Variants in ANAPC7 observed in about 807,000 individuals in gnomAD.
ANAPC7 encodes anaphase-promoting complex subunit 7.
A neutral mutation model predicts 63.3 loss-of-function variants in ANAPC7; 25 were observed. The observed-to-expected ratio is 0.39, with a 90% confidence interval of 0.29 to 0.55. The LOEUF (loss-of-function observed/expected upper bound fraction) is 0.55, where lower values mean the gene tolerates loss of function less well. Among genes scored for constraint, ANAPC7 ranks in the 20% least tolerant of loss-of-function variants. The pLI, the probability that ANAPC7 is intolerant of heterozygous loss-of-function variation, is 0.57. For synonymous variants in ANAPC7, 241 were observed against 251.7 expected (o/e 0.96, Z 0.40); for missense variants, 516 against 691.7 (o/e 0.75, Z 2.85).
chr12:110,389,366 T>C (rs1882904630), intron 3 of ANAPC7, among the ~76,000 whole-genome samples: 1 of 152,174 alleles, frequency 6.6e-6, no homozygotes, highest in African/African-American at 2.4e-5. Context: ...GCTCAGTTTT[T>C]CCTAATAAGG....
Position 110,396,400 on chromosome 12 carries a change from A to T in ANAPC7, c.154T>A (p.Ser52Thr). ...KYQLLVYHADSLFHDKEYRNA... is the reference protein window; with the variant it reads ...KYQLLVYHADTLFHDKEYRNA... ...CGATATTCCTTATCATGAAAGAGAG[A>T]ATCTGCATGATACACCAAAAGCTGG... Residue 52 changes from serine (S) to threonine (T), a missense_variant, in exon 2 of 11, where the codon TCT (serine) becomes ACT (threonine). Coordinates refer to ENST00000455511, the MANE Select transcript of ANAPC7 (RefSeq NM_016238.3). 6.2e-7 allele frequency: 1 copy of T among 1,613,908 alleles called. No homozygotes were observed. Among genetic ancestry groups the T allele is most frequent in the Non-Finnish European group, 8.5e-7 (1 of 1,179,922 alleles).
chr12:110,386,279 AT>A lies in ANAPC7; in HGVS notation c.817+47del, dbSNP rs1256857172. 4.4e-6 allele frequency: 7 copies of A among 1,609,042 alleles called. No individual in the cohort carries two copies. In the East Asian group the frequency reaches 1.6e-4, roughly 36 times the overall value. ...CTGCATATTCTCCCTATTATCTCTG[AT>A]CCCCCCCAACAACAGCCACTGTCTT... On this transcript the variant is annotated intron_variant, in intron 6 of 10. Coordinates refer to ENST00000455511, the MANE Select transcript of ANAPC7 (RefSeq NM_016238.3).
intron 1 of ANAPC7, among the ~76,000 whole-genome samples, chr12:110,400,785 C>T (rs2062216955): frequency 6.6e-6 from 1 of 151,762 alleles, no homozygotes. Flanking sequence ...GTGGCTCACG[C>T]CTGCAATCCA....
intron 1 of ANAPC7, among the ~76,000 whole-genome samples, chr12:110,402,971 G>C (rs935922096): frequency 6.7e-6 from 1 of 149,364 alleles, no homozygotes; most frequent in Non-Finnish European, 1.5e-5. Context: ...TGAACTCCTG[G>C]GCTCAAGCGA....
chr12:110,402,122 C>CACTCAACTCACTCAACTCACTCAACT (rs546353794), intron 1 of ANAPC7, among the ~76,000 whole-genome samples: 8 of 152,038 alleles, frequency 5.3e-5, no homozygotes, highest in Non-Finnish European at 4.4e-5. Flanking sequence ...CTGCAGTGAG[C>CACTCAACTCACTCAACTCACTCAACT]CAAGACTGCG....
rs1880982272 is a variant in ANAPC7 at position 110,373,295 on chromosome 12, T to C, written c.*849A>G. On this transcript the variant is annotated 3_prime_UTR_variant, in exon 11 of 11. Transcript: ENST00000455511. ...GCTCCAGGGAAATTAACCTACCCAA[T>C]ATGCAAACAGATGAACCAGCTCAGG... is the stretch of plus-strand genomic sequence containing the variant. 6.6e-6 allele frequency: 1 copy of C among 152,064 alleles called. No individual in the cohort carries two copies. Among genetic ancestry groups the C allele is most frequent in the Non-Finnish European group, 1.5e-5 (1 of 68,018 alleles). 9.4% of individuals were successfully genotyped at this position (152,064 alleles called of 1,614,324 possible). A position where few individuals can be genotyped will look rare whatever the true frequency, so the allele number is the denominator to read the frequency against.
chr12:110,398,605 A>G (rs1227418690), intron 1 of ANAPC7, among the ~76,000 whole-genome samples: 1 of 152,132 alleles, frequency 6.6e-6, no homozygotes, highest in African/African-American at 2.4e-5. Context: ...TCAACCTCCA[A>G]TTCCACTCCT....
At chr12:110,395,597 CT>C (rs76468288) in intron 2 of ANAPC7, among the ~76,000 whole-genome samples, 255 of 143,914 alleles carry the variant, frequency 1.8e-3, no homozygotes, top group Non-Finnish European at 1.6e-3. Flanking sequence ...GCCTCATCTT[CT>C]TTTTTTTTTT....
At chr12:110,376,252 T>C in intron 9 of ANAPC7, 36 bp from the exon 10 acceptor site, 1 of 1,608,544 alleles carries the variant, frequency 6.2e-7, no homozygotes, top group Non-Finnish European at 8.5e-7. Context: ...TTAAGTCATG[T>C]ACAAAAAAAC....
rs1305575839 is a variant in ANAPC7, at chr12:110,382,451, AAAAAAAAAAAATATATATAT to A, written c.935+372_935+391del. On this transcript the variant is annotated intron_variant, in intron 7 of 10. Transcript: ENST00000455511. ...GGCTGATTATCCTTTTAAAAAAAAA[AAAAAAAAAAAATATATATAT>A]ATATATATATATATATATATATATT... Among the ~76,000 whole-genome samples, 25 of 69,600 alleles carry A rather than the reference AAAAAAAAAAAATATATATAT, an allele frequency of 3.6e-4. 1 individual carries two copies. Among genetic ancestry groups the A allele is most frequent in the African/African-American group, 1.4e-3 (24 of 17,774 alleles). The allele number at this position is 69,600 out of a possible 152,430, so 45.7% of individuals were successfully genotyped here.
chr12:110,377,462 A>G lies in ANAPC7; in HGVS notation c.1288T>C (p.Leu430=). Residue 430 remains leucine, a synonymous_variant, in exon 9 of 11, where the codon TTA becomes CTA. Transcript: ENST00000455511. ...DPVTQEKAKT[L]LDKALTQRPD... is the part of the protein sequence containing the mutation. ...CTTTGGGTCAGGGCTTTATCTAATA[A>G]TGTTTTGGCTTTCTCCTGTGTCACT... The G allele has an allele frequency of 1.2e-6, 2 of 1,614,118 alleles. No homozygotes were observed. Among genetic ancestry groups the G allele is most frequent in the Non-Finnish European group, 1.7e-6 (2 of 1,180,016 alleles).
rs187405409 is a variant in ANAPC7 at position 110,394,270 on chromosome 12, A to G, written c.408+831T>C. On this transcript the variant is annotated intron_variant, in intron 3 of 10. Transcript: ENST00000455511. The stretch of plus-strand genomic sequence containing the variant: ...CTTTGGGAGGCCAAAGTGGGAGGAC[A>G]GTTTGAGCCCAGGAGTTTGAGACCA... 1.2e-3 allele frequency among the ~76,000 whole-genome samples: 186 copies of G among 152,016 alleles called. 1 individual carries two copies. Among genetic ancestry groups the G allele is most frequent in the Middle Eastern group, 6.8e-3 (2 of 294 alleles).
intron 10 of ANAPC7, chr12:110,375,666 C>T: frequency 1.1e-6 from 1 of 925,400 alleles, no homozygotes; most frequent in Non-Finnish European, 1.3e-6. Flanking sequence ...TTCAAAACTT[C>T]AGACCTCAAG....
chr12:110,375,180 C>CCA (rs1421339418), intron 10 of ANAPC7, among the ~76,000 whole-genome samples: 1 of 152,196 alleles, frequency 6.6e-6, no homozygotes, highest in Non-Finnish European at 1.5e-5. Flanking sequence ...TTGAAGCCTT[C>CCA]CACATCCTGT....
rs1211721174 is a variant in ANAPC7, at chr12:110,382,979, G to C, written c.818-19C>G. Reference sequence around the variant, plus strand: ...TCCATTCCTAGAAGAGAAGGACATAGTGAGAAGAGGTGTTTTAAGAAGAGA... The same window carrying C: ...TCCATTCCTAGAAGAGAAGGACATACTGAGAAGAGGTGTTTTAAGAAGAGA... On this transcript the variant is annotated intron_variant, in intron 6 of 10. Transcript: ENST00000455511. 6 of 1,583,702 alleles carry C rather than the reference G, an allele frequency of 3.8e-6. No homozygotes were observed. In the South Asian group the frequency reaches 6.7e-5, roughly 18 times the overall value.
At chr12:110,392,209 T>C (rs989835346) in intron 3 of ANAPC7, among the ~76,000 whole-genome samples, 8 of 151,908 alleles carry the variant, frequency 5.3e-5, no homozygotes, top group African/African-American at 1.7e-4. Context: ...AAGACTTTCA[T>C]AGGTTACCAG....
At chr12:110,384,611 G>C (rs1882279506) in intron 6 of ANAPC7, among the ~76,000 whole-genome samples, 1 of 149,412 alleles carries the variant, frequency 6.7e-6, no homozygotes, top group Admixed American at 6.7e-5. Flanking sequence ...CTTAAACCAG[G>C]AGGTGGAGGT....
In ANAPC7 at chr12:110,386,230, G is replaced by A. The variant is rs893753100; in HGVS notation, c.817+97C>T. The A allele has an allele frequency of 8.5e-6, 13 of 1,528,286 alleles. No individual in the cohort carries two copies. The East Asian group carries it at 2.9e-4, about 34-fold the overall frequency. 94.7% of individuals were successfully genotyped at this position (1,528,286 alleles called of 1,614,324 possible). ...TATAAGTTTTATACACCATTTCTAT[G>A]AAACTTGGTATCGAGTATTAATGCT... On this transcript the variant is annotated intron_variant, in intron 6 of 10. Coordinates refer to ENST00000455511, the MANE Select transcript of ANAPC7 (RefSeq NM_016238.3).
At chr12:110,388,226 G>A (rs1416810175) in intron 4 of ANAPC7, among the ~76,000 whole-genome samples, 1 of 152,070 alleles carries the variant, frequency 6.6e-6, no homozygotes, top group Non-Finnish European at 1.5e-5. Context: ...TAGTAGAGAC[G>A]GGGTTGTGCC....
Sources: gnomAD v4.1 joint callset for allele counts (sites outside exome capture counted in the v4.1 genomes callset) on GRCh38, gnomAD v4.1.1 for gene constraint, MANE v1.5 for transcripts, NCBI Gene and HGNC (gene_info 2026-07-23, HGNC 2026-07-21) for gene names.